The following RTL9 variants were observed in gnomAD, a reference collection of about 807,000 sequenced individuals.
RTL9 encodes retrotransposon Gag-like protein 9.
RTL9 carries 19 observed loss-of-function variants against 44.7 expected under a neutral mutation model. The observed-to-expected ratio is 0.42, with a 90% CI of 0.30 to 0.62. The LOEUF (loss-of-function observed/expected upper bound fraction) is 0.62. RTL9 is among the 20% of genes least tolerant of loss of function. The probability of loss-of-function intolerance (pLI) is 0.16; values close to 1 mark genes in which losing one functional copy is unlikely to be tolerated. For synonymous variants in RTL9, 407 were observed against 398.9 expected, an observed-to-expected ratio of 1.02 and a Z score of -0.24; for missense variants, 1,105 against 1,080.6, an observed-to-expected ratio of 1.02 and a Z score of -0.32.
intron 1 of RTL9, among the ~76,000 whole-genome samples, chrX:110,443,140 C>T (rs899989330): frequency 3.0e-4 from 33 of 111,627 alleles, no homozygotes; most frequent in Non-Finnish European, 9.4e-5. Context: ...AAAGAACATG[C>T]GAGGTAGGTA....
At chrX:110,388,817 T>C (rs1194650165) in intron 1 of RTL9, among the ~76,000 whole-genome samples, 1 of 111,902 alleles carries the variant, frequency 8.9e-6, no homozygotes, top group Non-Finnish European at 1.9e-5. Flanking sequence ...CAAGAGTAGC[T>C]AATTAGAGAA....
At chrX:110,373,492 A>C (rs1200958966) in intron 1 of RTL9, among the ~76,000 whole-genome samples, 3 of 111,922 alleles carry the variant, frequency 2.7e-5, no homozygotes, top group Admixed American at 9.5e-5. Context: ...ATTCTTACGG[A>C]AGGGTTCTAA....
chrX:110,433,640 T>A (rs1020410926), intron 1 of RTL9, among the ~76,000 whole-genome samples: 2 of 111,939 alleles, frequency 1.8e-5, no homozygotes, highest in Non-Finnish European at 3.8e-5. Flanking sequence ...CACAATCACT[T>A]TCCAGGGATT....
chrX:110,404,907 A>G (rs1300381325), intron 1 of RTL9, among the ~76,000 whole-genome samples: 2 of 111,970 alleles, frequency 1.8e-5, no homozygotes, highest in Admixed American at 9.5e-5. Context: ...GAAAATACAC[A>G]TAGTAGCATT....
chrX:110,442,344 T>A (rs1258224610), intron 1 of RTL9, among the ~76,000 whole-genome samples: 3 of 108,980 alleles, frequency 2.8e-5, no homozygotes, highest in African/African-American at 1.0e-4. Context: ...TTTTAAATGT[T>A]GGCAATTAAT....
At chrX:110,381,454 A>C (rs954080768) in intron 1 of RTL9, among the ~76,000 whole-genome samples, 1 of 111,814 alleles carries the variant, frequency 8.9e-6, no homozygotes, top group Non-Finnish European at 1.9e-5. Context: ...GTGAAAAGGG[A>C]ATGTGTATAC....
intron 1 of RTL9, among the ~76,000 whole-genome samples, chrX:110,423,678 T>C (rs1464722453): frequency 8.9e-6 from 1 of 112,584 alleles, no homozygotes; most frequent in Non-Finnish European, 1.9e-5. Flanking sequence ...TCAGGCCCTG[T>C]ACTTGTCTTT....
exon 1 of RTL9, chrX:110,452,221 C>T (rs761961148): frequency 8.3e-7 from 1 of 1,211,660 alleles, no homozygotes; most frequent in South Asian, 1.8e-5. Flanking sequence ...GCCTCTGGAT[C>T]AATGTCCATG....
chrX:110,450,466 C>A (rs769323137), upstream of RTL9: 4 of 491,570 alleles, frequency 8.1e-6, no homozygotes, highest in Non-Finnish European at 1.4e-5. Flanking sequence ...TGCCATATAC[C>A]TGACAACGCA....
chrX:110,428,607 C>T (rs893727458), intron 1 of RTL9, among the ~76,000 whole-genome samples: 1 of 111,358 alleles, frequency 9.0e-6, no homozygotes, highest in Non-Finnish European at 1.9e-5. Context: ...CACTCCCCCC[C>T]TCTCCAAGAT....
At chrX:110,425,253 A>C (rs777444281) in intron 1 of RTL9, among the ~76,000 whole-genome samples, 1 of 112,875 alleles carries the variant, frequency 8.9e-6, no homozygotes, top group East Asian at 2.8e-4. Context: ...ATAGAAAGGC[A>C]ACCAAGGGAG....
upstream of RTL9, among the ~76,000 whole-genome samples, chrX:110,418,471 A>C (rs1314522644): frequency 8.9e-6 from 1 of 112,164 alleles, no homozygotes; most frequent in Non-Finnish European, 1.9e-5. Flanking sequence ...GAAAAGCAGC[A>C]GCTAGCATAG....
chrX:110,377,680 T>C (rs17003969), intron 1 of RTL9, among the ~76,000 whole-genome samples: 12,540 of 111,147 alleles, frequency 0.11, 1,239 homozygotes, highest in African/African-American at 0.32. Context: ...TTTCACTAGA[T>C]TGCATAAGCC....
At chrX:110,390,055 A>G (rs1227462156) in intron 1 of RTL9, among the ~76,000 whole-genome samples, 1 of 111,971 alleles carries the variant, frequency 8.9e-6, no homozygotes, top group Admixed American at 9.4e-5. Context: ...ACAAGATACA[A>G]ACTTGACCCA....
At chrX:110,425,971 T>C (rs2068750046) in intron 1 of RTL9, among the ~76,000 whole-genome samples, 2 of 110,637 alleles carry the variant, frequency 1.8e-5, no homozygotes, top group African/African-American at 6.8e-5. Context: ...GTTTAGTGCG[T>C]GCGTGCGCGC....
chrX:110,416,006 C>CAAA (rs58422043), upstream of RTL9, among the ~76,000 whole-genome samples: 3 of 74,388 alleles, frequency 4.0e-5, no homozygotes, highest in Non-Finnish European at 8.3e-5. Context: ...CCAGAAGAGG[C>CAAA]AAAAAAAAAA....
Position 110,381,990 on chromosome X carries a change from C to A in RTL9, c.-168+23074C>A, listed in dbSNP as rs187864962. The stretch of plus-strand genomic sequence containing the variant: ...CCCTTGTAATAAACCTGTACATGTA[C>A]CCCCTGAATCTAAAATAAAAATTAA... On this transcript the variant is annotated intron_variant, in intron 1 of 2. Transcript: ENST00000520821. Among the ~76,000 whole-genome samples, 72 of 110,793 alleles carry A rather than the reference C, an allele frequency of 6.5e-4. 1 individual carries two copies. Among genetic ancestry groups the A allele is most frequent in the African/African-American group, 2.3e-3 (69 of 30,463 alleles).
At chrX:110,398,973 C>A (rs933095147) in intron 1 of RTL9, among the ~76,000 whole-genome samples, 5 of 111,862 alleles carry the variant, frequency 4.5e-5, no homozygotes, top group Non-Finnish European at 9.4e-5. Flanking sequence ...ATTATTGATA[C>A]CTGCCATATA....
Position 110,401,804 on chromosome X carries a change from T to C in RTL9, c.-168+42888T>C, listed in dbSNP as rs749028984. On this transcript the variant is annotated intron_variant, in intron 1 of 2. Coordinates refer to the RTL9 transcript ENST00000520821. The stretch of plus-strand genomic sequence containing the variant: ...CCTGTAAAATGGATCTAATAATAGT[T>C]CTCATCTCCTAGACGTGTTGTGAGG... Among the ~76,000 whole-genome samples the C allele has an allele frequency of 2.6e-4, 29 of 112,033 alleles. 1 individual carries two copies. Among genetic ancestry groups the C allele is most frequent in the Non-Finnish European group, 5.1e-4 (27 of 53,204 alleles).
Sources: gnomAD v4.1 joint callset for allele counts (sites outside exome capture counted in the v4.1 genomes callset) on GRCh38, gnomAD v4.1.1 for gene constraint, MANE v1.5 for transcripts, NCBI Gene and HGNC (gene_info 2026-07-23, HGNC 2026-07-21) for gene names.